Variants in THSD4 observed in about 807,000 individuals in gnomAD.
THSD4 encodes the protein thrombospondin type 1 domain containing 4.
A neutral mutation model predicts 119.0 loss-of-function variants in THSD4; 69 were observed. The ratio of observed to expected loss-of-function variants is 0.58; its 90% confidence interval spans 0.48 to 0.71. THSD4 has a LOEUF of 0.71. Ranked by LOEUF, THSD4 falls within the 30% of genes least tolerant of loss-of-function variation. THSD4 has a pLI of 0.00. For synonymous variants in THSD4, 524 were observed against 540.4 expected (o/e 0.97, Z 0.42); for missense variants, 1,393 against 1,391.1 (o/e 1.00, Z -0.02).
rs368058066 is a variant in THSD4 at position 71,286,010 on chromosome 15, G to A, written c.1015+29295G>A. The stretch of plus-strand genomic sequence containing the variant: ...AATTTTTTCAAAGTGAGGTTTAGGC[G>A]CATTTATATATCCACAGTGATAAAC... On this transcript the variant is annotated intron_variant, in intron 6 of 17. Coordinates refer to ENST00000261862, the MANE Select transcript of THSD4 (RefSeq NM_024817.3). Among the ~76,000 whole-genome samples, 106 of 151,262 alleles carry A rather than the reference G, an allele frequency of 7.0e-4. 1 individual carries two copies. Among genetic ancestry groups the A allele is most frequent in the African/African-American group, 2.4e-3 (98 of 41,168 alleles).
rs779207517 is a variant in THSD4 at position 71,277,128 on chromosome 15, C to CTTTTTTTT, written c.1015+20420_1015+20427dup. ...TATTTGTATTTGAATTCTTCTTCTTCTTTTTTTTTTTTTTGAAACGGAGTT... is the reference window on the plus strand; with the variant it reads ...TATTTGTATTTGAATTCTTCTTCTTCTTTTTTTTTTTTTTTTTTTTTTGAAACGGAGTT... On this transcript the variant is annotated intron_variant, in intron 6 of 17. Coordinates refer to ENST00000261862, the MANE Select transcript of THSD4 (RefSeq NM_024817.3). 3.8e-4 allele frequency among the ~76,000 whole-genome samples: 47 copies of CTTTTTTTT among 123,008 alleles called. 1 individual carries two copies. Among genetic ancestry groups the CTTTTTTTT allele is most frequent in the African/African-American group, 1.3e-3 (38 of 29,764 alleles). 80.7% of individuals were successfully genotyped at this position (123,008 alleles called of 152,430 possible).
intron 8 of THSD4, among the ~76,000 whole-genome samples, chr15:71,686,134 G>A (rs1057275640): frequency 6.6e-6 from 1 of 152,068 alleles, no homozygotes; most frequent in Non-Finnish European, 1.5e-5. Context: ...ACAGTTCAGT[G>A]GCATTAAGCA....
intron 8 of THSD4, among the ~76,000 whole-genome samples, chr15:71,710,053 G>A (rs755810882): frequency 6.6e-6 from 1 of 152,206 alleles, no homozygotes; most frequent in African/African-American, 2.4e-5. Flanking sequence ...CAAGCCTTCC[G>A]CATAGAGGTA....
Position 71,243,051 on chromosome 15 carries a change from C to G in THSD4, c.867C>G (p.Ile289Met). 6.2e-7 allele frequency: 1 copy of G among 1,614,192 alleles called. No individual in the cohort carries two copies. Among genetic ancestry groups the G allele is most frequent in the Non-Finnish European group, 8.5e-7 (1 of 1,180,030 alleles). The change falls in exon 5 of 18, where the codon ATC becomes ATG. Residue 289 changes from isoleucine (I) to methionine (M), a missense_variant. Physicochemically the swap from Ile to Met is conservative, Grantham distance 10. Coordinates refer to ENST00000261862, the MANE Select transcript of THSD4 (RefSeq NM_024817.3). ...SFSQPARSTA[I>M]SCIGAYRQYK... ...CTCAGCCTGCCCGATCTACAGCAAT[C>G]TCATGCATCGGGGCCTATCGGCAGT...
rs546173335 is a variant in THSD4, at chr15:71,475,641, G to A, written c.1152+63818G>A. Among the ~76,000 whole-genome samples, 300 of 152,264 alleles carry A rather than the reference G, an allele frequency of 2.0e-3. 17 individuals are homozygous for A. The South Asian group carries it at 0.06, about 30-fold the overall frequency. ...TAGGGAGTAAGCATAAAGAAATGGC[G>A]GCCAGGCGTGGTGGCTCATGCCTTT... is the stretch of plus-strand genomic sequence containing the variant. On this transcript the variant is annotated intron_variant, in intron 7 of 17. Coordinates refer to ENST00000261862, the MANE Select transcript of THSD4 (RefSeq NM_024817.3).
intron 4 of THSD4, 43 bp downstream of exon 4, chr15:71,215,442 C>T: frequency 6.8e-7 from 1 of 1,473,880 alleles, no homozygotes. Context: ...GTCCCTGTCC[C>T]AGTATCTGCC....
chr15:71,666,658 G>A (rs568505374), intron 8 of THSD4, among the ~76,000 whole-genome samples: 43 of 152,240 alleles, frequency 2.8e-4, no homozygotes, highest in African/African-American at 9.4e-4. Flanking sequence ...ATTTCAAAAT[G>A]CTTTAGACTT....
intron 1 of THSD4, among the ~76,000 whole-genome samples, chr15:71,134,954 C>G (rs6494896): frequency 0.12 from 17,988 of 145,660 alleles, 2,299 homozygotes; most frequent in African/African-American, 0.33. Flanking sequence ...ATAGCAAAGA[C>G]TTGGAACCAA....
intron 4 of THSD4, among the ~76,000 whole-genome samples, chr15:71,237,278 A>G (rs1042055187): frequency 6.6e-6 from 1 of 152,194 alleles, no homozygotes; most frequent in Non-Finnish European, 1.5e-5. Context: ...ATCATCTGAG[A>G]ACTTGTTAAA....
intron 6 of THSD4, among the ~76,000 whole-genome samples, chr15:71,377,503 C>G (rs973945350): frequency 1.3e-5 from 2 of 151,980 alleles, no homozygotes; most frequent in Admixed American, 1.3e-4. Context: ...GGAACAACCC[C>G]AGGGGAAGGG....
intron 8 of THSD4, among the ~76,000 whole-genome samples, chr15:71,685,289 T>C (rs1044539983): frequency 6.6e-6 from 1 of 152,096 alleles, no homozygotes; most frequent in Non-Finnish European, 1.5e-5. Flanking sequence ...GGTTCTTAAA[T>C]GTTTTCATCT....
intron 6 of THSD4, among the ~76,000 whole-genome samples, chr15:71,273,272 A>G (rs531328779): frequency 6.6e-6 from 1 of 152,348 alleles, no homozygotes; most frequent in South Asian, 2.1e-4. Context: ...GCGTTATGCT[A>G]TGTGAAATAA....
chr15:71,245,876 A>G (rs1672733005), intron 5 of THSD4, among the ~76,000 whole-genome samples: 1 of 152,120 alleles, frequency 6.6e-6, no homozygotes, highest in Non-Finnish European at 1.5e-5. Flanking sequence ...CAGCCTTGCA[A>G]ACAGGCCTTT....
chr15:71,635,424 T>C (rs931419264), intron 7 of THSD4, among the ~76,000 whole-genome samples: 5 of 152,166 alleles, frequency 3.3e-5, no homozygotes, highest in Admixed American at 3.3e-4. Flanking sequence ...AATGAAAAGC[T>C]ATCTGGGGAA....
At chr15:71,292,643 CTTTAA>C (rs1056649438) in intron 6 of THSD4, among the ~76,000 whole-genome samples, 1 of 149,950 alleles carries the variant, frequency 6.7e-6, no homozygotes, top group Non-Finnish European at 1.5e-5. Context: ...TCTTAACATA[CTTTAA>C]TTAACATTCT....
In THSD4 at chr15:71,121,647, G is replaced by T. The variant is rs78925626; in HGVS notation, c.-80+5949G>T. ...TGCTAGGTTGTCAGACTACTTGTGG[G>T]CTGGGCTGTGACATCTGTTGGGTCC... On this transcript the variant is annotated intron_variant, in intron 1 of 17. Transcript: ENST00000261862. Among the ~76,000 whole-genome samples, 57 of 152,230 alleles carry T rather than the reference G, an allele frequency of 3.7e-4. 1 individual carries two copies. In the East Asian group the frequency reaches 0.011, roughly 30 times the overall value.
At chr15:71,731,019 A>G in intron 9 of THSD4, 102 bp from the exon 10 acceptor site, 2 of 1,091,592 alleles carry the variant, frequency 1.8e-6, no homozygotes, top group Non-Finnish European at 2.8e-6. Flanking sequence ...TACTAGAGTG[A>G]ACCAACCCAG....
intron 6 of THSD4, among the ~76,000 whole-genome samples, chr15:71,398,216 G>A (rs1048069885): frequency 6.6e-6 from 1 of 152,152 alleles, no homozygotes; most frequent in East Asian, 1.9e-4. Flanking sequence ...TGTGGGACAC[G>A]CCAGCCTGGG....
At chr15:71,711,269 C>T (rs912133621) in intron 8 of THSD4, among the ~76,000 whole-genome samples, 6 of 151,606 alleles carry the variant, frequency 4.0e-5, no homozygotes, top group Admixed American at 3.3e-4. Context: ...ACGGAAAAAC[C>T]GAAGGTACAG....
Sources: gnomAD v4.1 joint callset for allele counts (sites outside exome capture counted in the v4.1 genomes callset) on GRCh38, gnomAD v4.1.1 for gene constraint, MANE v1.5 for transcripts, NCBI Gene and HGNC (gene_info 2026-07-23, HGNC 2026-07-21) for gene names.